The following SPOCK1 variants were observed in gnomAD, a reference collection of about 807,000 sequenced individuals.
The protein encoded by SPOCK1 is SPARC (osteonectin), cwcv and kazal like domains proteoglycan 1, also known as testican-1.
SPOCK1 carries 23 observed loss-of-function variants against 55.3 expected under a neutral mutation model. The observed-to-expected ratio is 0.42, with a 90% CI of 0.30 to 0.59. The LOEUF (loss-of-function observed/expected upper bound fraction) is 0.59, where lower values mean the gene tolerates loss of function less well. Ranked by LOEUF, SPOCK1 falls within the 20% of genes least tolerant of loss-of-function variation. The probability of loss-of-function intolerance (pLI) is 0.22; values close to 1 mark genes in which losing one functional copy is unlikely to be tolerated. For missense variants in SPOCK1, 499 were observed against 552.5 expected, an observed-to-expected ratio of 0.90 and a Z score of 0.97; for synonymous variants, 226 against 221.0, an observed-to-expected ratio of 1.02 and a Z score of -0.20.
chr5:137,242,282 C>T (rs1200120688), intron 3 of SPOCK1, among the ~76,000 whole-genome samples: 2 of 152,170 alleles, frequency 1.3e-5, no homozygotes, highest in African/African-American at 4.8e-5. Flanking sequence ...GGGACCCGGT[C>T]GGAGGTAATT....
At chr5:137,497,470 T>A (rs1051758245) in intron 2 of SPOCK1, among the ~76,000 whole-genome samples, 1 of 152,070 alleles carries the variant, frequency 6.6e-6, no homozygotes, top group Non-Finnish European at 1.5e-5. Context: ...TACTCCCAAG[T>A]CCCCTAGAAG....
chr5:137,133,501 A>G (rs1477906417), intron 4 of SPOCK1, among the ~76,000 whole-genome samples: 2 of 152,262 alleles, frequency 1.3e-5, no homozygotes, highest in East Asian at 3.9e-4. Flanking sequence ...AATTATTCAC[A>G]TCTCCATTAT....
At chr5:137,335,138 G>C (rs1750420176) in intron 2 of SPOCK1, among the ~76,000 whole-genome samples, 3 of 152,174 alleles carry the variant, frequency 2.0e-5, no homozygotes. Flanking sequence ...TGCAAAACTT[G>C]TAATTTTATT....
At chr5:137,282,786 G>C (rs1346290245) in intron 2 of SPOCK1, among the ~76,000 whole-genome samples, 1 of 152,154 alleles carries the variant, frequency 6.6e-6, no homozygotes, top group Non-Finnish European at 1.5e-5. Context: ...TGACTCAGCA[G>C]TGCCCAGTGC....
chr5:137,473,927 A>T (rs1753785736), intron 2 of SPOCK1, among the ~76,000 whole-genome samples: 1 of 152,240 alleles, frequency 6.6e-6, no homozygotes, highest in Non-Finnish European at 1.5e-5. Context: ...GGAATGAATT[A>T]ACAGCACTTG....
chr5:137,287,855 T>C (rs1389294735), intron 2 of SPOCK1, among the ~76,000 whole-genome samples: 1 of 152,164 alleles, frequency 6.6e-6, no homozygotes, highest in Non-Finnish European at 1.5e-5. Context: ...AGGCGGTACC[T>C]ACATGGGGAG....
At chr5:137,186,032 A>G (rs1392192884) in intron 3 of SPOCK1, among the ~76,000 whole-genome samples, 2 of 152,194 alleles carry the variant, frequency 1.3e-5, no homozygotes, top group South Asian at 2.1e-4. Flanking sequence ...CACAGAATAG[A>G]GATGGTTATT....
intron 2 of SPOCK1, among the ~76,000 whole-genome samples, chr5:137,417,961 T>C (rs976497820): frequency 6.6e-6 from 1 of 152,052 alleles, no homozygotes; most frequent in Non-Finnish European, 1.5e-5. Context: ...CCCCTCCCGC[T>C]ACCCTACAAC....
intron 6 of SPOCK1, among the ~76,000 whole-genome samples, chr5:137,038,622 G>A (rs1751929281): frequency 6.6e-6 from 1 of 152,150 alleles, no homozygotes; most frequent in Non-Finnish European, 1.5e-5. Context: ...TTACTTTCCT[G>A]TCCTCTCTGG....
At chr5:136,998,655 G>A (rs985114477) in intron 6 of SPOCK1, among the ~76,000 whole-genome samples, 3 of 152,248 alleles carry the variant, frequency 2.0e-5, no homozygotes, top group Non-Finnish European at 2.9e-5. Context: ...ATGCAGGTGA[G>A]GTAGCTAGCT....
intron 3 of SPOCK1, among the ~76,000 whole-genome samples, chr5:137,238,127 G>A (rs752350652): frequency 1.3e-5 from 2 of 152,144 alleles, no homozygotes; most frequent in Non-Finnish European, 2.9e-5. Context: ...TCACAGGGCT[G>A]TAGAGAGAAT....
chr5:137,421,622 C>T (rs932420642), intron 2 of SPOCK1, among the ~76,000 whole-genome samples: 1 of 152,280 alleles, frequency 6.6e-6, no homozygotes, highest in East Asian at 1.9e-4. Context: ...ATTGCAACCC[C>T]TGCCTTTTTA....
At chr5:136,994,037 C>T (rs1302244636) in intron 6 of SPOCK1, among the ~76,000 whole-genome samples, 1 of 152,170 alleles carries the variant, frequency 6.6e-6, no homozygotes, top group South Asian at 2.1e-4. Flanking sequence ...CTTCCCAGAG[C>T]TCAGGCAGAA....
chr5:137,231,205 C>T (rs1561478730), intron 3 of SPOCK1, among the ~76,000 whole-genome samples: 1 of 152,144 alleles, frequency 6.6e-6, no homozygotes, highest in Admixed American at 6.5e-5. Context: ...CCACCACAAC[C>T]AGCTAATTTT....
At chr5:137,033,222 G>T (rs1044744616) in intron 6 of SPOCK1, among the ~76,000 whole-genome samples, 1 of 152,214 alleles carries the variant, frequency 6.6e-6, no homozygotes, top group South Asian at 2.1e-4. Flanking sequence ...CTGGAGTCCC[G>T]GTGTGCTGCA....
At chr5:137,428,241 A>C (rs1752674802) in intron 2 of SPOCK1, among the ~76,000 whole-genome samples, 1 of 152,212 alleles carries the variant, frequency 6.6e-6, no homozygotes. Context: ...AGAGACTGAG[A>C]GGGTAGACTG....
intron 6 of SPOCK1, among the ~76,000 whole-genome samples, chr5:137,043,850 C>T (rs771490418): frequency 2.0e-5 from 3 of 152,008 alleles, no homozygotes; most frequent in African/African-American, 7.2e-5. Flanking sequence ...AACAGAAAAA[C>T]GAAATTAGGT....
chr5:137,222,490 T>C (rs1212288031), intron 3 of SPOCK1, among the ~76,000 whole-genome samples: 7 of 152,138 alleles, frequency 4.6e-5, no homozygotes, highest in Non-Finnish European at 8.8e-5. Flanking sequence ...AAGCATTACC[T>C]CTCCTGGATA....
At chr5:137,006,586 G>A (rs1284681698) in intron 6 of SPOCK1, among the ~76,000 whole-genome samples, 1 of 152,186 alleles carries the variant, frequency 6.6e-6, no homozygotes, top group Non-Finnish European at 1.5e-5. Context: ...ATCAGCTTAA[G>A]GAGTTTTGGG....
Sources: allele counts gnomAD v4.1 joint callset (sites outside exome capture counted in the v4.1 genomes callset), GRCh38; gene constraint gnomAD v4.1.1; transcripts MANE v1.5; gene names NCBI Gene and HGNC (gene_info 2026-07-23, HGNC 2026-07-21).